DCLK1: variants seen among roughly 807,000 people sequenced by gnomAD.
The protein encoded by DCLK1 is serine/threonine-protein kinase DCLK1.
A neutral mutation model predicts 86.2 loss-of-function variants in DCLK1; 16 were observed. The observed-to-expected ratio is 0.19, with a 90% CI of 0.13 to 0.28. The LOEUF is 0.28. Among genes scored for constraint, DCLK1 ranks in the 10% least tolerant of loss-of-function variants. The probability of loss-of-function intolerance (pLI) is 1.00; values close to 1 mark genes in which losing one functional copy is unlikely to be tolerated. For synonymous variants in DCLK1, 369 were observed against 370.5 expected, an observed-to-expected ratio of 1.00 and a Z score of 0.05; for missense variants, 590 against 940.2, an observed-to-expected ratio of 0.63 and a Z score of 4.87.
At chr13:36,027,265 A>G (rs1425847462) in intron 3 of DCLK1, among the ~76,000 whole-genome samples, 1 of 152,138 alleles carries the variant, frequency 6.6e-6, no homozygotes, top group Non-Finnish European at 1.5e-5. Context: ...GGAGCACTCA[A>G]CCTAGATCCC....
intron 3 of DCLK1, among the ~76,000 whole-genome samples, chr13:36,077,066 T>C (rs1884239702): frequency 6.6e-6 from 1 of 152,106 alleles, no homozygotes; most frequent in Admixed American, 6.6e-5. Flanking sequence ...GAGAAAGCTG[T>C]GCCACTTACT....
intron 3 of DCLK1, among the ~76,000 whole-genome samples, chr13:36,025,537 T>TA (rs1039976372): frequency 6.6e-6 from 1 of 152,216 alleles, no homozygotes; most frequent in African/African-American, 2.4e-5. Context: ...AGTGGAATGT[T>TA]ACTCAGCCAT....
chr13:35,855,763 G>A (rs760905397), intron 5 of DCLK1: 8 of 1,291,900 alleles, frequency 6.2e-6, no homozygotes, highest in Non-Finnish European at 6.9e-6. Flanking sequence ...CATCAAAGGT[G>A]TCAATTAAGC....
intron 3 of DCLK1, among the ~76,000 whole-genome samples, chr13:36,003,179 C>T (rs1272430218): frequency 6.6e-6 from 1 of 152,202 alleles, no homozygotes; most frequent in African/African-American, 2.4e-5. Context: ...TGGGTGTGAG[C>T]TAAATTTTCC....
intron 3 of DCLK1, among the ~76,000 whole-genome samples, chr13:35,999,320 A>G (rs2153145497): frequency 6.6e-6 from 1 of 152,314 alleles, no homozygotes; most frequent in Middle Eastern, 3.4e-3. Context: ...TGAATAGTCA[A>G]TGGATATGAC....
Position 35,871,217 on chromosome 13 carries a change from G to A in DCLK1, c.940+7C>T. 1 of 1,610,844 alleles carries A rather than the reference G, an allele frequency of 6.2e-7. No individual in the cohort carries two copies. Among genetic ancestry groups the A allele is most frequent in the Middle Eastern group, 1.7e-4 (1 of 6,046 alleles). ...CAATTTCTTCAAAATCCCCTCTGCT[G>A]CTTTACCTGAGCTGGTGGAGGCAGG... is the stretch of plus-strand genomic sequence containing the variant. On this transcript the variant is annotated splice_region_variant and intron_variant, in intron 5 of 16. Transcript: ENST00000360631.
intron 3 of DCLK1, among the ~76,000 whole-genome samples, chr13:36,013,891 T>G (rs1419112559): frequency 7.9e-5 from 12 of 152,326 alleles, no homozygotes; most frequent in East Asian, 1.9e-4. Context: ...TTCCGTGGGC[T>G]TAGGACCCTC....
chr13:35,823,061 C>T (rs1358014415), intron 10 of DCLK1, among the ~76,000 whole-genome samples, 186 bp from the exon 11 acceptor site: 1 of 152,120 alleles, frequency 6.6e-6, no homozygotes, highest in African/African-American at 2.4e-5. Context: ...CCACCCACTA[C>T]AAAAACCAGT....
At chr13:36,090,618 A>G (rs1884784503) in intron 3 of DCLK1, among the ~76,000 whole-genome samples, 2 of 152,172 alleles carry the variant, frequency 1.3e-5, no homozygotes, top group South Asian at 4.1e-4. Context: ...AAGCAAAGAG[A>G]TCAGCTAGGG....
chr13:35,820,092 A>G (rs746058641), intron 11 of DCLK1, among the ~76,000 whole-genome samples: 14 of 152,172 alleles, frequency 9.2e-5, no homozygotes, highest in Non-Finnish European at 5.9e-5. Flanking sequence ...ACAACTCTCA[A>G]TAGAATGTGA....
At chr13:36,119,375 T>C (rs1380557820) in intron 2 of DCLK1, among the ~76,000 whole-genome samples, 2 of 152,184 alleles carry the variant, frequency 1.3e-5, no homozygotes, top group African/African-American at 2.4e-5. Context: ...ATTAGAACAC[T>C]ATAGTAATAA....
intron 8 of DCLK1, 25 bp from the exon 9 acceptor site, chr13:35,828,332 T>A: frequency 1.3e-6 from 2 of 1,587,476 alleles, no homozygotes; most frequent in Non-Finnish European, 1.7e-6. Flanking sequence ...TTCATGTTTT[T>A]AAAATGAAAC....
chr13:35,974,683 G>A (rs1879244259), intron 3 of DCLK1, among the ~76,000 whole-genome samples: 1 of 152,078 alleles, frequency 6.6e-6, no homozygotes, highest in Non-Finnish European at 1.5e-5. Context: ...AGTTTTCTGA[G>A]ACCTCCCCAG....
rs957094508 is a variant in DCLK1, at chr13:35,850,414, C to A, written c.1035+4085G>T. 9.5e-6 allele frequency: 10 copies of A among 1,052,284 alleles called. No individual in the cohort carries two copies. The Admixed American group carries it at 3.3e-4, about 35-fold the overall frequency. 65.2% of individuals were successfully genotyped at this position (1,052,284 alleles called of 1,614,324 possible). A position where few individuals can be genotyped will look rare whatever the true frequency, so the allele number is the denominator to read the frequency against. ...TATATTGCCACATGGTTAGTGTGTT[C>A]TTGTACTCAATATTGGGTCCGTGTA... is the stretch of plus-strand genomic sequence containing the variant. On this transcript the variant is annotated intron_variant, in intron 6 of 16. Coordinates refer to ENST00000360631, the MANE Select transcript of DCLK1 (RefSeq NM_001330071.2).
rs375279047 is a variant in DCLK1, at chr13:35,809,068, T to C, written c.1716A>G (p.Ala572=). 1 of 1,612,112 alleles carries C rather than the reference T, an allele frequency of 6.2e-7. No homozygotes were observed. Among genetic ancestry groups the C allele is most frequent in the African/African-American group, 1.3e-5 (1 of 74,866 alleles). ...GCAGGATATAAGTGATTACACCTGCTGCCCAGATGTCCACCTTGAGGCCGT... is the reference window on the plus strand; with the variant it reads ...GCAGGATATAAGTGATTACACCTGCCGCCCAGATGTCCACCTTGAGGCCGT... The part of the protein sequence containing the change: ...TGYGLKVDIW[A]AGVITYILLC... The change falls in exon 13 of 17, where the codon GCA becomes GCG. Residue 572 remains alanine (A), a synonymous_variant. Coordinates refer to ENST00000360631, the MANE Select transcript of DCLK1 (RefSeq NM_001330071.2).
At chr13:35,938,488 G>T (rs968841900) in intron 4 of DCLK1, among the ~76,000 whole-genome samples, 2 of 151,994 alleles carry the variant, frequency 1.3e-5, no homozygotes, top group African/African-American at 2.4e-5. Context: ...AATTAACCAG[G>T]CATGATGGCA....
At position 36,090,227 on chromosome 13, in the gene DCLK1, G is replaced by T. The variant is rs570599599; in HGVS notation, c.723+21642C>A. Among the ~76,000 whole-genome samples, 10 of 152,332 alleles carry T rather than the reference G, an allele frequency of 6.6e-5. No homozygotes were observed. In the South Asian group the frequency reaches 1.0e-3, roughly 16 times the overall value. On this transcript the variant is annotated intron_variant, in intron 3 of 16. Coordinates refer to ENST00000360631, the MANE Select transcript of DCLK1 (RefSeq NM_001330071.2). The stretch of plus-strand genomic sequence containing the variant: ...AGTTTTCTTTGGGTCTGGACATTCA[G>T]ATCTTTCTGGATGAAAATTCTCAGA...
At chr13:36,019,551 G>C (rs770287984) in intron 3 of DCLK1, among the ~76,000 whole-genome samples, 5 of 152,100 alleles carry the variant, frequency 3.3e-5, no homozygotes, top group Non-Finnish European at 7.4e-5. Flanking sequence ...TCACTTCTTT[G>C]TTCACATCAC....
At chr13:35,963,175 A>T (rs1161808527) in intron 3 of DCLK1, among the ~76,000 whole-genome samples, 3 of 152,192 alleles carry the variant, frequency 2.0e-5, no homozygotes, top group African/African-American at 4.8e-5. Context: ...CTTCTTTAAA[A>T]TGATAAATTA....
Sources: allele counts gnomAD v4.1 joint callset (sites outside exome capture counted in the v4.1 genomes callset), GRCh38; gene constraint gnomAD v4.1.1; transcripts MANE v1.5; gene names NCBI Gene and HGNC (gene_info 2026-07-23, HGNC 2026-07-21).